Variants in INCENP observed in about 807,000 individuals in gnomAD.
The protein encoded by INCENP is inner centromere protein, also known as binds and activates aurora-B and -C in vivo and in vitro.
Under a neutral mutation model 107.3 loss-of-function variants are expected in INCENP, and 43 were observed. The observed-to-expected ratio is 0.40, with a 90% CI of 0.31 to 0.52. The LOEUF is 0.52. Ranked by LOEUF, INCENP falls within the 20% of genes least tolerant of loss-of-function variation. The pLI is 0.53. For synonymous variants in INCENP, 488 were observed against 494.4 expected (o/e 0.99, Z 0.17); for missense variants, 1,089 against 1,250.9 (o/e 0.87, Z 1.95).
chr11:62,141,028 T>A lies in INCENP; in HGVS notation c.1577T>A (p.Leu526Gln). 1 of 1,613,718 alleles carries A rather than the reference T, an allele frequency of 6.2e-7. No homozygotes were observed. Among genetic ancestry groups the A allele is most frequent in the Non-Finnish European group, 8.5e-7 (1 of 1,179,846 alleles). ...TCCTTTATTAAGCGCAACACTCCCC[T>A]GCGCATGGACCCCAAGGTGAGGGGC... The part of the protein sequence containing the change: ...MKSFIKRNTP[L>Q]RMDPKCSFVE... Residue 526 changes from leucine to glutamine, a missense_variant, in exon 10 of 19, where the codon CTG becomes CAG. Physicochemically the swap from Leu to Gln is moderately radical, Grantham distance 113. Coordinates refer to ENST00000394818, the MANE Select transcript of INCENP (RefSeq NM_001040694.2).
intron 10 of INCENP, 125 bp from the exon 11 acceptor site, chr11:62,141,375 G>A (rs745361761): frequency 1.4e-4 from 177 of 1,223,182 alleles, no homozygotes; most frequent in Non-Finnish European, 2.0e-4. Flanking sequence ...GAGGCGGTGG[G>A]GGTGCTGCTG....
chr11:62,138,033 A>G, intron 5 of INCENP, 150 bp downstream of exon 5: 1 of 705,062 alleles, frequency 1.4e-6, no homozygotes. Flanking sequence ...CTGTCTGACC[A>G]GGCAGTGAGT....
chr11:62,126,815 C>T (rs981099500), intron 1 of INCENP, among the ~76,000 whole-genome samples: 2 of 99,006 alleles, frequency 2.0e-5, no homozygotes, highest in African/African-American at 6.7e-5. Context: ...TTATTTATAA[C>T]ACCTAATATG....
At chr11:62,130,962 GC>G (rs1455734940) in intron 4 of INCENP, among the ~76,000 whole-genome samples, 4 of 152,194 alleles carry the variant, frequency 2.6e-5, no homozygotes, top group Non-Finnish European at 4.4e-5. Context: ...GTGGTTACTG[GC>G]CATGTTGAGG....
At position 62,129,878 on chromosome 11, in the gene INCENP, C is replaced by T. The variant is rs754070097; in HGVS notation, c.351C>T (p.Asn117=). The T allele has an allele frequency of 1.2e-5, 19 of 1,613,486 alleles. No homozygotes were observed. Among genetic ancestry groups the T allele is most frequent in the Middle Eastern group, 1.6e-4 (1 of 6,062 alleles). The change falls in exon 4 of 19, where the codon AAC becomes AAT. Residue 117 remains asparagine, a synonymous_variant. Coordinates refer to ENST00000394818, the MANE Select transcript of INCENP (RefSeq NM_001040694.2). ...VEKLATVVGE[N]GSVLRRVTRA... ...AGCTGGCTACAGTGGTCGGGGAGAA[C>T]GGCTCCGTCCTGCGGCGTGTGACCC... is the stretch of plus-strand genomic sequence containing the variant.
intron 5 of INCENP, 22 bp from the exon 6 acceptor site, chr11:62,138,691 A>C: frequency 1.2e-6 from 2 of 1,613,020 alleles, no homozygotes; most frequent in Non-Finnish European, 1.7e-6. Context: ...CAGTCCCCTC[A>C]GAGTCCCTCT....
chr11:62,150,232 G>A (rs371190959), intron 18 of INCENP, 25 bp downstream of exon 18: 4 of 1,612,748 alleles, frequency 2.5e-6, no homozygotes, highest in Non-Finnish European at 8.5e-7. Flanking sequence ...CAGCTCCCTG[G>A]GAGACTCAGG....
Position 62,148,837 on chromosome 11 carries a change from G to A in INCENP, c.2382G>A (p.Val794=). 6.2e-7 allele frequency: 1 copy of A among 1,604,376 alleles called. No individual in the cohort carries two copies. The highest frequency in any genetic ancestry group is 8.5e-7 in the Non-Finnish European group (1 of 1,175,506). ...AGASKALNVT[V]DVQSPACTSY... ...CCAGCAAGGCCCTGAATGTGACTGT[G>A]GACGTGCAGGTGCCACCTGGGCCCC... Residue 794 remains valine (V), a synonymous_variant, in exon 17 of 19, where the codon GTG becomes GTA. Transcript: ENST00000394818.
At chr11:62,143,617 C>A (rs888569537) in intron 11 of INCENP, among the ~76,000 whole-genome samples, 1 of 152,168 alleles carries the variant, frequency 6.6e-6, no homozygotes, top group Non-Finnish European at 1.5e-5. Context: ...CCATCTTACC[C>A]GTTCCCGGGA....
intron 11 of INCENP, among the ~76,000 whole-genome samples, chr11:62,143,337 C>T (rs964928874): frequency 1.3e-5 from 2 of 152,148 alleles, no homozygotes; most frequent in East Asian, 3.9e-4. Context: ...TACTCCCTTT[C>T]TGCTGCTTGA....
intron 1 of INCENP, among the ~76,000 whole-genome samples, chr11:62,126,200 G>GTTTTT (rs57052675): frequency 0.077 from 7,668 of 99,904 alleles, 715 homozygotes; most frequent in African/African-American, 0.22. Context: ...GTTGTGCATG[G>GTTTTT]TTTTTTTTTT....
At chr11:62,147,799 A>G (rs919049270) in intron 15 of INCENP, among the ~76,000 whole-genome samples, 1 of 152,120 alleles carries the variant, frequency 6.6e-6, no homozygotes, top group Non-Finnish European at 1.5e-5. Context: ...AGAGTCTGGG[A>G]AGGCGAGAAG....
At chr11:62,130,703 A>T in intron 4 of INCENP, 113 bp downstream of exon 4, 1 of 916,254 alleles carries the variant, frequency 1.1e-6, no homozygotes, top group African/African-American at 1.7e-5. Flanking sequence ...GCAGTGAGGT[A>T]GATGTTACAC....
intron 1 of INCENP, among the ~76,000 whole-genome samples, chr11:62,124,744 G>GGTATA (rs1943714019): frequency 6.6e-6 from 1 of 152,228 alleles, no homozygotes; most frequent in South Asian, 2.1e-4. Context: ...AGTGGTTAAG[G>GGTATA]GCACGGTTTA....
At chr11:62,148,424 C>G in intron 15 of INCENP, 52 bp from the exon 16 acceptor site, 2 of 1,528,032 alleles carry the variant, frequency 1.3e-6, no homozygotes, top group African/African-American at 1.4e-5. Context: ...GGGAACAGGG[C>G]TTGGGCTGGG....
rs199515936 is a variant in INCENP at position 62,129,846 on chromosome 11, G to C, written c.319G>C (p.Val107Leu). 6.2e-7 allele frequency: 1 copy of C among 1,612,996 alleles called. No individual in the cohort carries two copies. Among genetic ancestry groups the C allele is most frequent in the African/African-American group, 1.3e-5 (1 of 75,046 alleles). The change falls in exon 4 of 19, where the codon GTA becomes CTA. Residue 107 changes from valine to leucine, a missense_variant. Physicochemically the swap from Val to Leu is conservative, Grantham distance 32 (BLOSUM62 1). Coordinates refer to ENST00000394818, the MANE Select transcript of INCENP (RefSeq NM_001040694.2). ...CCGACGCCTCCGCAGCAAGGACAGT[G>C]TAGAGAAGCTGGCTACAGTGGTCGG... ...SSRRLRSKDS[V>L]EKLATVVGEN... is the part of the protein sequence containing the mutation.
At chr11:62,142,864 T>C (rs1279917658) in intron 11 of INCENP, among the ~76,000 whole-genome samples, 1 of 152,188 alleles carries the variant, frequency 6.6e-6, no homozygotes, top group African/African-American at 2.4e-5. Flanking sequence ...ATCTGCAGCT[T>C]AGAGCTGAGC....
Position 62,129,948 on chromosome 11 carries a change from CCTT to C in INCENP, c.426_428del (p.Ser143del), listed in dbSNP as rs1297917457. 2.7e-5 allele frequency: 43 copies of C among 1,613,958 alleles called. No individual in the cohort carries two copies. Among genetic ancestry groups the C allele is most frequent in the Non-Finnish European group, 3.2e-5 (38 of 1,180,030 alleles). On this transcript the variant is annotated inframe_deletion, in exon 4 of 19. Transcript: ENST00000394818. ...CGCGGCTACCATGGCATTGGCTGCA[CCTT>C]CTTCACCCACCCCTGAGTCTCCCAC...
chr11:62,140,334 A>G, intron 8 of INCENP, 49 bp downstream of exon 8: 5 of 1,508,438 alleles, frequency 3.3e-6, no homozygotes, highest in South Asian at 2.2e-5. Context: ...GCCCTGGAGG[A>G]TGTGGCCTTG....
Sources: gnomAD v4.1 joint callset for allele counts (sites outside exome capture counted in the v4.1 genomes callset) on GRCh38, gnomAD v4.1.1 for gene constraint, MANE v1.5 for transcripts, NCBI Gene and HGNC (gene_info 2026-07-23, HGNC 2026-07-21) for gene names.